The following BBX variants were observed in gnomAD, a reference collection of about 807,000 sequenced individuals.
The protein encoded by BBX is BBX high mobility group box domain containing, also known as HMG box transcription factor BBX.
In BBX, 30 loss-of-function variants were observed where a neutral mutation model predicts 100.2. The ratio of observed to expected loss-of-function variants is 0.30; its 90% confidence interval spans 0.22 to 0.41. The LOEUF (loss-of-function observed/expected upper bound fraction) is 0.41, where lower values mean the gene tolerates loss of function less well. BBX is among the 10% of genes least tolerant of loss of function. The pLI, the probability that BBX is intolerant of heterozygous loss-of-function variation, is 1.00. For missense variants in BBX, 1,023 were observed against 1,129.8 expected (o/e 0.91, Z 1.35); for synonymous variants, 376 against 388.1 (o/e 0.97, Z 0.37).
chr3:107,583,786 T>G (rs2052457240), intron 2 of BBX, among the ~76,000 whole-genome samples: 1 of 148,266 alleles, frequency 6.7e-6, no homozygotes, highest in African/African-American at 2.5e-5. Flanking sequence ...CTGAGCAGAT[T>G]AATGATTCTG....
chr3:107,675,685 A>G (rs1366415936), intron 3 of BBX, among the ~76,000 whole-genome samples: 1 of 152,218 alleles, frequency 6.6e-6, no homozygotes, highest in African/African-American at 2.4e-5. Flanking sequence ...TATTTGGGGA[A>G]GAATAAAAAG....
chr3:107,718,584 G>A (rs2062288541), intron 5 of BBX, among the ~76,000 whole-genome samples: 1 of 151,934 alleles, frequency 6.6e-6, no homozygotes, highest in African/African-American at 2.4e-5. Context: ...AAATACTTGA[G>A]TTTGTTTTAG....
intron 3 of BBX, among the ~76,000 whole-genome samples, chr3:107,707,833 C>T (rs1388841883): frequency 6.6e-6 from 1 of 152,144 alleles, no homozygotes; most frequent in South Asian, 2.1e-4. Context: ...AAGGTGCACA[C>T]ATATCCACAC....
chr3:107,743,620 C>G (rs2064298377), intron 7 of BBX, among the ~76,000 whole-genome samples: 2 of 152,176 alleles, frequency 1.3e-5, no homozygotes, highest in South Asian at 4.1e-4. Context: ...TCCTCAATGT[C>G]TTAAGAGGGT....
chr3:107,651,611 G>A (rs1044986361), intron 3 of BBX, among the ~76,000 whole-genome samples: 2 of 151,786 alleles, frequency 1.3e-5, no homozygotes, highest in Admixed American at 1.3e-4. Context: ...CTTTTACTTT[G>A]TGAATCAGTT....
At chr3:107,704,394 G>T (rs1191205118) in intron 3 of BBX, among the ~76,000 whole-genome samples, 4 of 152,164 alleles carry the variant, frequency 2.6e-5, no homozygotes, top group African/African-American at 4.8e-5. Flanking sequence ...CACTCTGAAG[G>T]TCACAACCTT....
At chr3:107,593,854 G>A (rs1472070403) in intron 2 of BBX, among the ~76,000 whole-genome samples, 1 of 152,174 alleles carries the variant, frequency 6.6e-6, no homozygotes, top group African/African-American at 2.4e-5. Flanking sequence ...AAATAATGTG[G>A]ATTAAAAGCC....
At chr3:107,571,319 A>C (rs1427597329) in intron 2 of BBX, among the ~76,000 whole-genome samples, 1 of 152,164 alleles carries the variant, frequency 6.6e-6, no homozygotes, top group Non-Finnish European at 1.5e-5. Context: ...CACGGTGATC[A>C]GACACCAATG....
intron 2 of BBX, among the ~76,000 whole-genome samples, chr3:107,530,326 A>G (rs2048068744): frequency 6.6e-6 from 1 of 152,172 alleles, no homozygotes; most frequent in Non-Finnish European, 1.5e-5. Flanking sequence ...TGGAGGTTTC[A>G]ATGAGCTGAG....
chr3:107,735,509 T>G (rs544503044), intron 7 of BBX, among the ~76,000 whole-genome samples: 1 of 152,094 alleles, frequency 6.6e-6, no homozygotes, highest in Non-Finnish European at 1.5e-5. Context: ...TGAAATATTA[T>G]TCTTAAACAG....
intron 7 of BBX, among the ~76,000 whole-genome samples, chr3:107,742,170 G>T (rs2064163404): frequency 6.6e-6 from 1 of 151,890 alleles, no homozygotes. Context: ...GAAATTTGGG[G>T]GCTGTTTTCC....
At chr3:107,766,592 A>G (rs1237333786) in intron 10 of BBX, among the ~76,000 whole-genome samples, 2 of 152,182 alleles carry the variant, frequency 1.3e-5, no homozygotes, top group African/African-American at 2.4e-5. Flanking sequence ...ACCAAAAAGT[A>G]TAGGTAAAAA....
intron 2 of BBX, among the ~76,000 whole-genome samples, chr3:107,598,336 C>T (rs2053809179): frequency 6.6e-6 from 1 of 152,140 alleles, no homozygotes; most frequent in Non-Finnish European, 1.5e-5. Context: ...GCGCATGAGT[C>T]TTTGCAATCC....
chr3:107,802,398 C>T (rs1220739221), intron 17 of BBX, among the ~76,000 whole-genome samples: 1 of 152,242 alleles, frequency 6.6e-6, no homozygotes, highest in East Asian at 1.9e-4. Flanking sequence ...CTGCAAGTTC[C>T]TAATAGCAAG....
chr3:107,671,583 T>G (rs960984046), intron 3 of BBX, among the ~76,000 whole-genome samples: 3 of 152,116 alleles, frequency 2.0e-5, no homozygotes, highest in South Asian at 4.1e-4. Flanking sequence ...TTTAGTTCAC[T>G]GAAGAAAGTC....
intron 2 of BBX, among the ~76,000 whole-genome samples, chr3:107,558,316 G>A (rs934691551): frequency 3.3e-5 from 5 of 152,240 alleles, no homozygotes; most frequent in South Asian, 4.1e-4. Flanking sequence ...GAGAAACCCC[G>A]TTTCTACTAA....
chr3:107,650,002 C>T (rs191167591), intron 3 of BBX, among the ~76,000 whole-genome samples: 2 of 152,222 alleles, frequency 1.3e-5, no homozygotes, highest in Non-Finnish European at 2.9e-5. Flanking sequence ...GGTACAAGAA[C>T]AGAAAATGGT....
chr3:107,623,979 A>G (rs1163666635), intron 2 of BBX, among the ~76,000 whole-genome samples: 2 of 152,220 alleles, frequency 1.3e-5, no homozygotes, highest in Non-Finnish European at 2.9e-5. Context: ...ATGTGGCAGA[A>G]TTCCAAAGCA....
chr3:107,761,526 A>G (rs2065900300), intron 10 of BBX, among the ~76,000 whole-genome samples: 1 of 152,158 alleles, frequency 6.6e-6, no homozygotes, highest in Admixed American at 6.5e-5. Flanking sequence ...AGGGGTATTC[A>G]AGTGAATTGT....
Sources: gnomAD v4.1 joint callset for allele counts (sites outside exome capture counted in the v4.1 genomes callset) on GRCh38, gnomAD v4.1.1 for gene constraint, MANE v1.5 for transcripts, NCBI Gene and HGNC (gene_info 2026-07-23, HGNC 2026-07-21) for gene names.